The following NPLOC4 variants were observed in gnomAD, a reference collection of about 807,000 sequenced individuals.
The protein encoded by NPLOC4 is nuclear protein localization protein 4 homolog.
Under a neutral mutation model 80.6 loss-of-function variants are expected in NPLOC4, and 18 were observed. That is an observed-to-expected ratio of 0.22 (90% confidence interval 0.15 to 0.33). The LOEUF is 0.33. Ranked by LOEUF, NPLOC4 falls within the 10% of genes least tolerant of loss-of-function variation. NPLOC4 has a pLI of 1.00. For missense variants in NPLOC4, 540 were observed against 786.1 expected (o/e 0.69, Z 3.74); for synonymous variants, 313 against 301.5 (o/e 1.04, Z -0.39).
intron 4 of NPLOC4, among the ~76,000 whole-genome samples, chr17:81,611,959 C>CAAAA (rs11401963): frequency 2.9e-5 from 3 of 104,256 alleles, no homozygotes; most frequent in African/African-American, 1.1e-4. Flanking sequence ...GAGTCCATCT[C>CAAAA]AAAAAAAAAA....
At chr17:81,565,860 G>A (rs1483348183) in intron 15 of NPLOC4, among the ~76,000 whole-genome samples, 2 of 152,226 alleles carry the variant, frequency 1.3e-5, no homozygotes, top group East Asian at 3.8e-4. Context: ...TGCTGACGGT[G>A]CTCAACAGCC....
At chr17:81,581,241 A>G (rs548258071) in intron 12 of NPLOC4, among the ~76,000 whole-genome samples, 4 of 150,768 alleles carry the variant, frequency 2.7e-5, no homozygotes, top group African/African-American at 7.3e-5. Context: ...AATCCCAGCT[A>G]CTTGGGAGGC....
chr17:81,627,469 G>A (rs1035236408), intron 2 of NPLOC4, among the ~76,000 whole-genome samples: 1 of 152,094 alleles, frequency 6.6e-6, no homozygotes, highest in African/African-American at 2.4e-5. Flanking sequence ...GCCAGGTGCA[G>A]TGGCTCACGC....
chr17:81,586,093 T>C (rs2034575832), intron 12 of NPLOC4, among the ~76,000 whole-genome samples: 1 of 152,140 alleles, frequency 6.6e-6, no homozygotes, highest in African/African-American at 2.4e-5. Context: ...GAGACCAGCC[T>C]GCCCAACGGG....
In NPLOC4 at chr17:81,567,971, C is replaced by A; in HGVS notation, c.1450-438G>T. The A allele has an allele frequency of 6.1e-6, 1 of 165,252 alleles. No individual in the cohort carries two copies. The highest frequency in any genetic ancestry group is 1.3e-5 in the Non-Finnish European group (1 of 75,924). 10.2% of individuals were successfully genotyped at this position (165,252 alleles called of 1,614,324 possible). A position where few individuals can be genotyped will look rare whatever the true frequency, so the allele number is the denominator to read the frequency against. The stretch of plus-strand genomic sequence containing the variant: ...GCGCGCACCTATAATCCCAGCTACT[C>A]AGGAGGCTGAAGCAGAAGAATCGCT... On this transcript the variant is annotated intron_variant, in intron 14 of 16. Transcript: ENST00000331134. This position sits in a 1 kb window ranked among gnomAD's most constrained non-coding sequence, Gnocchi z 4.5.
At chr17:81,621,106 A>C (rs2035653550) in intron 3 of NPLOC4, among the ~76,000 whole-genome samples, 1 of 151,858 alleles carries the variant, frequency 6.6e-6, no homozygotes, top group African/African-American at 2.4e-5. Flanking sequence ...AAAGAAAGAA[A>C]AGGAAAGAAG....
chr17:81,629,836 A>G (rs777433049), intron 1 of NPLOC4, 31 bp from the exon 2 acceptor site: 3 of 1,514,962 alleles, frequency 2.0e-6, no homozygotes, highest in Non-Finnish European at 2.7e-6. Flanking sequence ...TGGTTACTGC[A>G]CAGCCTAGTG....
At chr17:81,612,432 G>C (rs950764125) in intron 4 of NPLOC4, among the ~76,000 whole-genome samples, 3 of 152,184 alleles carry the variant, frequency 2.0e-5, no homozygotes, top group Non-Finnish European at 4.4e-5. Flanking sequence ...CCAGGCCCCT[G>C]GGAGGAGACA....
chr17:81,585,660 C>CT (rs1320635266), intron 12 of NPLOC4, among the ~76,000 whole-genome samples: 31 of 117,592 alleles, frequency 2.6e-4, no homozygotes, highest in Non-Finnish European at 4.4e-4. Flanking sequence ...GACTCCATTT[C>CT]TGGGGGGGGG....
At chr17:81,571,524 G>C (rs1400085469) in intron 13 of NPLOC4, among the ~76,000 whole-genome samples, 1 of 152,204 alleles carries the variant, frequency 6.6e-6, no homozygotes, top group East Asian at 1.9e-4. Flanking sequence ...GTCCCCTGGG[G>C]ACCACCCTGG....
rs1228146405 is a variant in NPLOC4, at chr17:81,622,611, C to A, written c.97-333G>T. On this transcript the variant is annotated intron_variant, in intron 2 of 16. Coordinates refer to ENST00000331134, the MANE Select transcript of NPLOC4 (RefSeq NM_017921.4). ...TGTAGCCCAAGCTGGAGTACAGTGGCATGATCTCGGCTTACTGCAACCTCC... is the reference window on the plus strand; with the variant it reads ...TGTAGCCCAAGCTGGAGTACAGTGGAATGATCTCGGCTTACTGCAACCTCC... Among the ~76,000 whole-genome samples the A allele has an allele frequency of 2.6e-5, 4 of 152,296 alleles. No homozygotes were observed. The South Asian group carries it at 6.2e-4, about 24-fold the overall frequency.
chr17:81,623,454 G>C (rs1275600368), intron 2 of NPLOC4, among the ~76,000 whole-genome samples: 1 of 72,382 alleles, frequency 1.4e-5, no homozygotes, highest in South Asian at 6.5e-4. Flanking sequence ...GACAGAGCAA[G>C]ACTTTGTTTC....
At chr17:81,618,830 A>C (rs1396832373) in intron 3 of NPLOC4, among the ~76,000 whole-genome samples, 1 of 152,174 alleles carries the variant, frequency 6.6e-6, no homozygotes, top group East Asian at 1.9e-4. Context: ...GGAAGTAGAC[A>C]TGGGAGACTT....
chr17:81,612,225 G>C (rs1598666531), intron 4 of NPLOC4, among the ~76,000 whole-genome samples: 6 of 152,238 alleles, frequency 3.9e-5, no homozygotes, highest in African/African-American at 1.4e-4. Context: ...TCCCTCCGGG[G>C]CTCAGTCAGA....
chr17:81,630,745 C>T (rs2035906919), intron 1 of NPLOC4, among the ~76,000 whole-genome samples: 2 of 152,122 alleles, frequency 1.3e-5, no homozygotes, highest in Admixed American at 1.3e-4. Context: ...GGCATGGTGG[C>T]GTACGCCTAT....
chr17:81,608,977 A>G (rs2035275998), intron 5 of NPLOC4, 155 bp from the exon 6 acceptor site: 1 of 531,660 alleles, frequency 1.9e-6, no homozygotes, highest in Non-Finnish European at 3.4e-6. Context: ...TACCACTCTG[A>G]GTCAGAACCA....
chr17:81,621,218 TCAA>T (rs571204920), intron 3 of NPLOC4, among the ~76,000 whole-genome samples: 58 of 152,038 alleles, frequency 3.8e-4, no homozygotes, highest in South Asian at 1.9e-3. Context: ...GAAATGAACA[TCAA>T]CAACAAGAGG....
At chr17:81,564,188 C>G (rs1205023801) in intron 16 of NPLOC4, 2 of 196,600 alleles carry the variant, frequency 1.0e-5, no homozygotes, top group African/African-American at 4.8e-5. Context: ...CAATCATACC[C>G]CAACCTCAGC....
chr17:81,567,413 G>T lies in NPLOC4; in HGVS notation c.1566+4C>A. The T allele has an allele frequency of 6.3e-7, 1 of 1,581,328 alleles. No homozygotes were observed. The highest frequency in any genetic ancestry group is 8.7e-7 in the Non-Finnish European group (1 of 1,151,322). On this transcript the variant is annotated splice_donor_region_variant and intron_variant, in intron 15 of 16. Coordinates refer to ENST00000331134, the MANE Select transcript of NPLOC4 (RefSeq NM_017921.4). This position sits in a 1 kb window ranked among gnomAD's most constrained non-coding sequence, Gnocchi z 4.5. ...TCAAGTGGACACCACACTTGGACACGCACCTGCAGAGGCATAACTTCATTG... is the reference window on the plus strand; with the variant it reads ...TCAAGTGGACACCACACTTGGACACTCACCTGCAGAGGCATAACTTCATTG...
Sources: allele counts gnomAD v4.1 joint callset (sites outside exome capture counted in the v4.1 genomes callset), GRCh38; gene constraint gnomAD v4.1.1; non-coding constraint Gnocchi (gnomAD v3.1); transcripts MANE v1.5; gene names NCBI Gene and HGNC (gene_info 2026-07-23, HGNC 2026-07-21).